Variants in TEDC1 observed in about 807,000 individuals in gnomAD.
TEDC1 encodes tubulin epsilon and delta complex 1.
In TEDC1, 54 loss-of-function variants were observed where a neutral mutation model predicts 59.9. That is an observed-to-expected ratio of 0.90 (90% CI 0.72 to 1.13). TEDC1 has a LOEUF of 1.13. Ranked by LOEUF, TEDC1 falls within the 50% of genes most tolerant of loss-of-function variation. The pLI is 0.00. For missense variants in TEDC1, 734 were observed against 683.4 expected (o/e 1.07, Z -0.83); for synonymous variants, 353 against 298.1 (o/e 1.18, Z -1.90).
intron 6 of TEDC1, 68 bp downstream of exon 6, chr14:105,496,154 A>AG: frequency 1.2e-5 from 1 of 80,026 alleles, no homozygotes; most frequent in South Asian, 2.8e-4. Context: ...GGGGGTGGCG[A>AG]GGGGGTGTGT....
rs1033255212 is a variant in TEDC1 at position 105,492,692 on chromosome 14, G to C, written c.543G>C (p.Gln181His). Residue 181 changes from glutamine (Q) to histidine (H), a missense_variant, in exon 4 of 9, where the codon CAG becomes CAC. Gln to His is a conservative substitution (Grantham distance 24). Transcript: ENST00000392523. Reference sequence around the variant, plus strand: ...GAAAGCTGCGGTTCCGGTGGCGCCAGCTGGTGTCCAGTCAGCAGGAGCAGT... The same window carrying C: ...GAAAGCTGCGGTTCCGGTGGCGCCACCTGGTGTCCAGTCAGCAGGAGCAGT... ...LMGKLRFRWR[Q>H]LVSSQQEQCA... 1 of 1,544,694 alleles carries C rather than the reference G, an allele frequency of 6.5e-7. No individual in the cohort carries two copies. The highest frequency in any genetic ancestry group is 2.0e-5 in the Admixed American group (1 of 51,004).
At chr14:105,492,022 G>C in intron 2 of TEDC1, 85 bp from the exon 3 acceptor site, 2 of 1,381,610 alleles carry the variant, frequency 1.4e-6, no homozygotes, top group South Asian at 2.5e-5. Context: ...TTCTGCTCAA[G>C]TGACCTGTGG....
rs781981411 is a variant in TEDC1 at position 105,492,301 on chromosome 14, G to A, written c.421G>A (p.Val141Met). ...AGTGCCTCTGGGTGACGAGATGACT[G>A]TGTGCCAGGTGCGTGTGGGTGAGGG... ...ARVPLGDEMT[V>M]CQCEALASPG... Residue 141 changes from valine (V) to methionine (M), a missense_variant, in exon 3 of 9, where the codon GTG becomes ATG. Coordinates refer to ENST00000392523, the MANE Select transcript of TEDC1 (RefSeq NM_001367178.1). The A allele has an allele frequency of 1.9e-6, 3 of 1,603,396 alleles. No individual in the cohort carries two copies. Among genetic ancestry groups the A allele is most frequent in the South Asian group, 2.2e-5 (2 of 91,016 alleles).
upstream of TEDC1, chr14:105,490,958 T>C: frequency 1.5e-6 from 2 of 1,377,792 alleles, no homozygotes; most frequent in Non-Finnish European, 2.0e-6. Context: ...GGGCGGACTC[T>C]GCGGTGTTCT....
chr14:105,495,877 A>T lies in TEDC1; in HGVS notation c.685-3A>T. The T allele has an allele frequency of 6.5e-7, 1 of 1,548,128 alleles. No individual in the cohort carries two copies. The highest frequency in any genetic ancestry group is 8.7e-7 in the Non-Finnish European group (1 of 1,145,756). On this transcript the variant is annotated splice_polypyrimidine_tract_variant and splice_region_variant and intron_variant, in intron 5 of 8. Coordinates refer to ENST00000392523, the MANE Select transcript of TEDC1 (RefSeq NM_001367178.1). ...CTGGGGCCATGGCTGGCTTCCTTCCAAGGTTTCTGGAGCGGGAGCTGCCCA... is the reference window on the plus strand; with the variant it reads ...CTGGGGCCATGGCTGGCTTCCTTCCTAGGTTTCTGGAGCGGGAGCTGCCCA...
intron 6 of TEDC1, chr14:105,496,356 A>C: frequency 2.0e-6 from 1 of 496,100 alleles, no homozygotes; most frequent in Non-Finnish European, 3.6e-6. Context: ...CACCGCCCAC[A>C]GACCTCCCTG....
chr14:105,496,056 A>G lies in TEDC1; in HGVS notation c.861A>G (p.Ser287=). 1 of 1,476,186 alleles carries G rather than the reference A, an allele frequency of 6.8e-7. No individual in the cohort carries two copies. Among genetic ancestry groups the G allele is most frequent in the East Asian group, 2.9e-5 (1 of 34,260 alleles). 91.4% of individuals were successfully genotyped at this position (1,476,186 alleles called of 1,614,324 possible). A position where few individuals can be genotyped will look rare whatever the true frequency, so the allele number is the denominator to read the frequency against. The change falls in exon 6 of 9, where the codon TCA becomes TCG. Residue 287 remains serine (S), a synonymous_variant. Coordinates refer to ENST00000392523, the MANE Select transcript of TEDC1 (RefSeq NM_001367178.1). ...CACCCTTGGATCCTGGTGGGGCCTCAGCCTGCAGCCTGCTCTCCCCTTTTA... is the reference window on the plus strand; with the variant it reads ...CACCCTTGGATCCTGGTGGGGCCTCGGCCTGCAGCCTGCTCTCCCCTTTTA... ...WAAPLDPGGA[S]ACSLLSPFRA...
chr14:105,493,265 C>T (rs368315236), intron 4 of TEDC1, among the ~76,000 whole-genome samples: 7 of 152,190 alleles, frequency 4.6e-5, no homozygotes, highest in East Asian at 1.9e-4. Flanking sequence ...CCCACCAGCG[C>T]GGGACTCCTT....
chr14:105,496,226 T>C, intron 6 of TEDC1, 140 bp downstream of exon 6: 2 of 825,522 alleles, frequency 2.4e-6, no homozygotes, highest in South Asian at 3.6e-5. Context: ...ACTGTGGTGA[T>C]TGCCTTCTGT....
intron 8 of TEDC1, 40 bp downstream of exon 8, chr14:105,498,017 C>T: frequency 6.8e-7 from 1 of 1,464,600 alleles, no homozygotes; most frequent in Non-Finnish European, 9.0e-7. Context: ...CCCAGCCCCA[C>T]CTTCGGGGGA....
At chr14:105,494,491 A>G (rs2084298918) in intron 5 of TEDC1, 1 of 155,534 alleles carries the variant, frequency 6.4e-6, no homozygotes, top group Non-Finnish European at 1.4e-5. Flanking sequence ...TCTGCTTGCT[A>G]CACCCGGACC....
Position 105,492,741 on chromosome 14 carries a change from C to T in TEDC1, c.585+7C>T, listed in dbSNP as rs782564159. ...GTGCGCCCTCCTGAGCAAGGTAGAGCTGGCACAGGGCTTCCACTCAGGGGC... is the reference window on the plus strand; with the variant it reads ...GTGCGCCCTCCTGAGCAAGGTAGAGTTGGCACAGGGCTTCCACTCAGGGGC... On this transcript the variant is annotated splice_region_variant and intron_variant, in intron 4 of 8. Coordinates refer to ENST00000392523, the MANE Select transcript of TEDC1 (RefSeq NM_001367178.1). 6.5e-7 allele frequency: 1 copy of T among 1,540,226 alleles called. No individual in the cohort carries two copies. The highest frequency in any genetic ancestry group is 1.2e-5 in the South Asian group (1 of 84,002).
chr14:105,496,947 C>T (rs587768386), intron 6 of TEDC1: 13 of 252,186 alleles, frequency 5.2e-5, no homozygotes, highest in South Asian at 2.8e-4. Flanking sequence ...CTGCAGTCCC[C>T]GGATACAGCC....
At chr14:105,493,981 CACAGCA>C in intron 5 of TEDC1, 48 bp downstream of exon 5, 20 of 456,756 alleles carry the variant, frequency 4.4e-5, no homozygotes, top group East Asian at 8.7e-5. Flanking sequence ...GGCTGGGGGG[CACAGCA>C]GGGGGACTGC....
Position 105,495,997 on chromosome 14 carries a change from G to A in TEDC1, c.802G>A (p.Glu268Lys). The A allele has an allele frequency of 6.5e-7, 1 of 1,550,222 alleles. No homozygotes were observed. Among genetic ancestry groups the A allele is most frequent in the Non-Finnish European group, 8.7e-7 (1 of 1,146,884 alleles). ...TFWNDLWLVC[E>K]QPGLLPGDWA... Reference sequence around the variant, plus strand: ...CTGGAATGATCTGTGGCTGGTATGTGAGCAGCCAGGTCTGCTGCCGGGTGA... The same window carrying A: ...CTGGAATGATCTGTGGCTGGTATGTAAGCAGCCAGGTCTGCTGCCGGGTGA... The change falls in exon 6 of 9, where the codon GAG becomes AAG. Residue 268 changes from glutamate to lysine, a missense_variant. Glu to Lys is a moderately conservative substitution (Grantham distance 56). Transcript: ENST00000392523.
intron 6 of TEDC1, 66 bp downstream of exon 6, chr14:105,496,152 C>CCCCCCGCGGGGGG: frequency 6.3e-6 from 1 of 157,702 alleles, no homozygotes; most frequent in African/African-American, 3.4e-5. Context: ...GAGGGGGTGG[C>CCCCCCGCGGGGGG]GAGGGGGTGT....
In TEDC1 at chr14:105,497,060, G is replaced by A. The variant is rs958822352; in HGVS notation, c.892-297G>A. Reference sequence around the variant, plus strand: ...CAGTGGGGCTGGTGTGGGGGACAGCGGATGTCCTCAGAGCCGGGGGGCAGC... The same window carrying A: ...CAGTGGGGCTGGTGTGGGGGACAGCAGATGTCCTCAGAGCCGGGGGGCAGC... On this transcript the variant is annotated intron_variant, in intron 6 of 8. Coordinates refer to ENST00000392523, the MANE Select transcript of TEDC1 (RefSeq NM_001367178.1). 2.8e-4 allele frequency: 142 copies of A among 504,626 alleles called. 1 individual carries two copies. Among genetic ancestry groups the A allele is most frequent in the African/African-American group, 2.4e-3 (122 of 50,596 alleles). 31.3% of individuals were successfully genotyped at this position (504,626 alleles called of 1,614,324 possible).
chr14:105,491,690 G>A lies in TEDC1; in HGVS notation c.216G>A (p.Ser72=). Reference sequence around the variant, plus strand: ...TCCCTGCGGGCAACGCCTTGGCATCGCTCGCCCTGGGTAAGCCCCGCTCCT... The same window carrying A: ...TCCCTGCGGGCAACGCCTTGGCATCACTCGCCCTGGGTAAGCCCCGCTCCT... ...SPLPAGNALA[S]LALEVQARLV... is the part of the protein sequence containing the mutation. Residue 72 remains serine, a synonymous_variant, in exon 2 of 9, where the codon TCG becomes TCA. Transcript: ENST00000392523. 1 of 1,548,720 alleles carries A rather than the reference G, an allele frequency of 6.5e-7. No individual in the cohort carries two copies. The highest frequency in any genetic ancestry group is 8.7e-7 in the Non-Finnish European group (1 of 1,146,846).
At position 105,492,096 on chromosome 14, in the gene TEDC1, T is replaced by C; in HGVS notation, c.227-11T>C. 1.3e-6 allele frequency: 2 copies of C among 1,584,866 alleles called. No individual in the cohort carries two copies. The highest frequency in any genetic ancestry group is 1.3e-5 in the African/African-American group (1 of 74,340). The stretch of plus-strand genomic sequence containing the variant: ...GGGTGGTCCCCCTAAGGTGGTGGTC[T>C]TCTGTCCTAGAGGTCCAAGCCCGCT... On this transcript the variant is annotated splice_polypyrimidine_tract_variant and intron_variant, in intron 2 of 8. Coordinates refer to ENST00000392523, the MANE Select transcript of TEDC1 (RefSeq NM_001367178.1).
Sources: allele counts gnomAD v4.1 joint callset (sites outside exome capture counted in the v4.1 genomes callset), GRCh38; gene constraint gnomAD v4.1.1; transcripts MANE v1.5; gene names NCBI Gene and HGNC (gene_info 2026-07-23, HGNC 2026-07-21).